BPIFB3: variants seen among roughly 807,000 people sequenced by gnomAD.
BPIFB3 encodes BPI fold containing family B member 3, also known as BPI fold-containing family B member 3.
A neutral mutation model predicts 53.1 loss-of-function variants in BPIFB3; 49 were observed. The ratio of observed to expected loss-of-function variants is 0.92; its 90% confidence interval spans 0.73 to 1.17. BPIFB3 has a LOEUF of 1.17. Ranked by LOEUF, BPIFB3 falls within the 50% of genes most tolerant of loss-of-function variation. BPIFB3 has a pLI of 0.00. For missense variants in BPIFB3, 628 were observed against 592.5 expected, an observed-to-expected ratio of 1.06 and a Z score of -0.62; for synonymous variants, 271 against 269.6, an observed-to-expected ratio of 1.01 and a Z score of -0.05.
intron 9 of BPIFB3, among the ~76,000 whole-genome samples, chr20:33,068,507 G>A (rs1010803278): frequency 1.1e-4 from 16 of 152,228 alleles, no homozygotes; most frequent in African/African-American, 3.9e-4. Context: ...AGCAGCGGGA[G>A]GAGAGCAGGT....
Position 33,065,468 on chromosome 20 carries a change from G to A in BPIFB3, c.924+623G>A, listed in dbSNP as rs1600541590. Among the ~76,000 whole-genome samples, 3 of 151,782 alleles carry A rather than the reference G, an allele frequency of 2.0e-5. No individual in the cohort carries two copies. The South Asian group carries it at 6.2e-4, about 32-fold the overall frequency. On this transcript the variant is annotated intron_variant, in intron 8 of 14. Coordinates refer to ENST00000375494, the Ensembl canonical transcript of BPIFB3. ...CAAGGCTGAAGTGAGCTGTGATTACGCCACTGCACTCCAGTGTGGGCCACA... is the reference window on the plus strand; with the variant it reads ...CAAGGCTGAAGTGAGCTGTGATTACACCACTGCACTCCAGTGTGGGCCACA...
At chr20:33,070,165 A>G (rs1015631729) in intron 11 of BPIFB3, among the ~76,000 whole-genome samples, 1 of 152,150 alleles carries the variant, frequency 6.6e-6, no homozygotes, top group Non-Finnish European at 1.5e-5. Flanking sequence ...CAGGCTCAAG[A>G]GTGGGCTTCT....
exon 9 of BPIFB3, chr20:33,066,870 T>C: frequency 6.2e-7 from 1 of 1,614,146 alleles, no homozygotes; most frequent in Non-Finnish European, 8.5e-7. Flanking sequence ...GCAGCTTTGC[T>C]CCCTGAGGTG....
At chr20:33,069,515 T>C (rs898022442) in intron 10 of BPIFB3, among the ~76,000 whole-genome samples, 20 of 152,182 alleles carry the variant, frequency 1.3e-4, no homozygotes, top group African/African-American at 4.6e-4. Flanking sequence ...TTGTCTGTGC[T>C]AGGTCCACCA....
intron 8 of BPIFB3, among the ~76,000 whole-genome samples, chr20:33,066,542 A>G (rs1364202575): frequency 6.6e-6 from 1 of 152,200 alleles, no homozygotes; most frequent in Admixed American, 6.5e-5. Context: ...CAACAGCCTC[A>G]GTGTCTCCAT....
chr20:33,061,701 C>G, intron 4 of BPIFB3, 67 bp from the exon 6 acceptor site: 1 of 1,508,440 alleles, frequency 6.6e-7, no homozygotes, highest in South Asian at 1.2e-5. Flanking sequence ...AGTGTCCGCC[C>G]GACCCTGTCA....
rs773338804 is a variant in BPIFB3, at chr20:33,064,851, T to C, written c.924+6T>C. 4 of 1,610,258 alleles carry C rather than the reference T, an allele frequency of 2.5e-6. No individual in the cohort carries two copies. The highest frequency in any genetic ancestry group is 2.2e-5 in the South Asian group (2 of 90,944). On this transcript the variant is annotated splice_donor_region_variant and intron_variant, in intron 8 of 14. Transcript: ENST00000375494. ...TGGACATCACCCCTGAGCTGGTGAG[T>C]GTGGTGCCCGGGGGATGGGGATGGG...
intron 4 of BPIFB3, among the ~76,000 whole-genome samples, chr20:33,060,513 A>G (rs186145193): frequency 6.6e-6 from 1 of 152,178 alleles, no homozygotes; most frequent in African/African-American, 2.4e-5. Context: ...GTCTCTTCCC[A>G]GGATCTGTCC....
At chr20:33,066,786 T>C in intron 8 of BPIFB3, 38 bp from the exon 10 acceptor site, 1 of 1,601,756 alleles carries the variant, frequency 6.2e-7, no homozygotes, top group Non-Finnish European at 8.6e-7. Context: ...CTGTTCTGTC[T>C]CTGTGCTCAC....
chr20:33,063,740 G>GTCA, intron 6 of BPIFB3, 65 bp downstream of exon 7: 2 of 1,540,330 alleles, frequency 1.3e-6, no homozygotes, highest in Non-Finnish European at 1.8e-6. Flanking sequence ...CCCCAATGGG[G>GTCA]TAGGGTACGA....
At position 33,070,075 on chromosome 20, in the gene BPIFB3, T is replaced by C. The variant is rs115420938; in HGVS notation, c.1217+120T>C. 4.6e-3 allele frequency: 5,464 copies of C among 1,192,446 alleles called. 217 individuals are homozygous for C. In the African/African-American group the frequency reaches 0.072, roughly 16 times the overall value. 73.9% of individuals were successfully genotyped at this position (1,192,446 alleles called of 1,614,324 possible). A position where few individuals can be genotyped will look rare whatever the true frequency, so the allele number is the denominator to read the frequency against. On this transcript the variant is annotated intron_variant, in intron 11 of 14. Transcript: ENST00000375494. ...CGCAATTCCAGGTGTTTTTCCAGCA[T>C]CCTCCTTGCCTTCAGGACCCGCCAG...
intron 12 of BPIFB3, among the ~76,000 whole-genome samples, chr20:33,071,722 G>A (rs112534758): frequency 6.6e-6 from 1 of 152,258 alleles, no homozygotes; most frequent in African/African-American, 2.4e-5. Context: ...CATGGGCTCA[G>A]GTTCTAGAAC....
intron 5 of BPIFB3, among the ~76,000 whole-genome samples, chr20:33,063,332 C>A (rs1443672409): frequency 6.6e-6 from 1 of 152,140 alleles, no homozygotes; most frequent in Non-Finnish European, 1.5e-5. Flanking sequence ...CAAACCAGCC[C>A]CTGAAATGTG....
chr20:33,072,941 C>T, intron 14 of BPIFB3, 148 bp downstream of exon 15: 1 of 707,528 alleles, frequency 1.4e-6, no homozygotes, highest in Non-Finnish European at 2.4e-6. Flanking sequence ...TACAAATTGC[C>T]TAACTTAGGA....
chr20:33,069,029 C>A, intron 10 of BPIFB3, 56 bp downstream of exon 11: 1 of 1,573,120 alleles, frequency 6.4e-7, no homozygotes. Context: ...ATGGGGGTGA[C>A]TGTCTCCAGG....
intron 9 of BPIFB3, among the ~76,000 whole-genome samples, chr20:33,068,080 T>A (rs1021653202): frequency 2.6e-4 from 40 of 152,238 alleles, no homozygotes; most frequent in Non-Finnish European, 2.9e-5. Context: ...GAGCACCTAC[T>A]GTGTAACAGG....
chr20:33,059,606 T>C, intron 3 of BPIFB3, 124 bp downstream of exon 4: 2 of 758,162 alleles, frequency 2.6e-6, no homozygotes, highest in Non-Finnish European at 4.4e-6. Context: ...TTTCACCCTA[T>C]TTCCTCCCCA....
chr20:33,059,819 G>A, intron 3 of BPIFB3, 72 bp from the exon 5 acceptor site: 2 of 1,562,338 alleles, frequency 1.3e-6, no homozygotes, highest in Non-Finnish European at 8.7e-7. Flanking sequence ...CCACTGGCAG[G>A]GCCACCCTGG....
At chr20:33,056,481 C>T in intron 1 of BPIFB3, 61 bp from the exon 3 acceptor site, 1 of 1,587,284 alleles carries the variant, frequency 6.3e-7, no homozygotes, top group Admixed American at 1.7e-5. Flanking sequence ...GAGGCAGCTG[C>T]CATGGTCCTG....
Sources: gnomAD v4.1 joint callset for allele counts (sites outside exome capture counted in the v4.1 genomes callset) on GRCh38, gnomAD v4.1.1 for gene constraint, MANE v1.5 for transcripts, NCBI Gene and HGNC (gene_info 2026-07-23, HGNC 2026-07-21) for gene names.